Variants in PCDHA6 observed in about 807,000 individuals in gnomAD.
The protein encoded by PCDHA6 is protocadherin alpha 6.
PCDHA6 carries 55 observed loss-of-function variants against 60.3 expected under a neutral mutation model. The observed-to-expected ratio is 0.91, with a 90% CI of 0.73 to 1.14. The LOEUF (loss-of-function observed/expected upper bound fraction) is 1.14. Among genes scored for constraint, PCDHA6 ranks in the 50% most tolerant of loss-of-function variants. The pLI is 0.00. For synonymous variants in PCDHA6, 652 were observed against 557.9 expected, an observed-to-expected ratio of 1.17 and a Z score of -2.38; for missense variants, 1,327 against 1,256.5, an observed-to-expected ratio of 1.06 and a Z score of -0.85.
intron 1 of PCDHA6, chr5:140,857,926 C>G (rs1351185942): frequency 2.5e-6 from 4 of 1,597,606 alleles, no homozygotes; most frequent in East Asian, 2.2e-5. Flanking sequence ...TGGGGCTGTA[C>G]ACGGGCGAGA....
At chr5:140,847,326 T>C (rs1171959432) in intron 1 of PCDHA6, 3 of 149,816 alleles carry the variant, frequency 2.0e-5, no homozygotes, top group African/African-American at 7.3e-5. Flanking sequence ...GAAGCAATTG[T>C]TAAATGCACC....
intron 1 of PCDHA6, chr5:140,882,459 T>G (rs782544853): frequency 6.2e-7 from 1 of 1,613,996 alleles, no homozygotes; most frequent in South Asian, 1.1e-5. Context: ...CCGCGCCTGT[T>G]CCGGGTGGCG....
intron 1 of PCDHA6, chr5:140,836,466 G>C (rs1554135989): frequency 1.2e-6 from 2 of 1,613,862 alleles, no homozygotes; most frequent in Non-Finnish European, 1.7e-6. Context: ...CGAGCTGGTG[G>C]ATGTCAACGT....
intron 1 of PCDHA6, chr5:140,843,736 A>G: frequency 6.5e-7 from 1 of 1,547,470 alleles, no homozygotes; most frequent in African/African-American, 1.4e-5. Context: ...TTAAATTTAG[A>G]ACTCATAAAT....
At chr5:140,847,137 TA>T (rs1554141666) in intron 1 of PCDHA6, among the ~76,000 whole-genome samples, 1 of 149,712 alleles carries the variant, frequency 6.7e-6, no homozygotes, top group Non-Finnish European at 1.5e-5. Context: ...AAAACCAATG[TA>T]AGAAGATCTC....
chr5:140,873,262 G>A (rs1196053156), intron 1 of PCDHA6, among the ~76,000 whole-genome samples: 2 of 152,136 alleles, frequency 1.3e-5, no homozygotes, highest in Non-Finnish European at 2.9e-5. Context: ...ACTCAAAAGT[G>A]ATTAAACCAT....
intron 1 of PCDHA6, chr5:140,870,144 T>C (rs782683134): frequency 1.9e-6 from 3 of 1,614,058 alleles, no homozygotes; most frequent in Admixed American, 1.7e-5. Flanking sequence ...ATAACTCTCC[T>C]GAAGTCGCCG....
At chr5:140,859,558 A>G (rs1554152480) in intron 1 of PCDHA6, 1 of 177,480 alleles carries the variant, frequency 5.6e-6, no homozygotes, top group African/African-American at 2.4e-5. Flanking sequence ...CCAAACACCA[A>G]TGCCATGAAT....
At chr5:140,902,989 T>G (rs1350698990) in intron 1 of PCDHA6, among the ~76,000 whole-genome samples, 1 of 152,238 alleles carries the variant, frequency 6.6e-6, no homozygotes, top group East Asian at 1.9e-4. Context: ...GGTTCCATAT[T>G]TTTGCAATTG....
At chr5:140,967,306 C>G (rs1554229415) in intron 1 of PCDHA6, 2 of 1,612,350 alleles carry the variant, frequency 1.2e-6, no homozygotes, top group African/African-American at 2.7e-5. Flanking sequence ...TGGGCGCCAA[C>G]TCAGTACAGA....
chr5:140,986,401 C>T (rs782437347), intron 3 of PCDHA6, among the ~76,000 whole-genome samples: 1 of 152,172 alleles, frequency 6.6e-6, no homozygotes. Context: ...GCCAGTCGCT[C>T]ATGTTACAGC....
intron 1 of PCDHA6, among the ~76,000 whole-genome samples, chr5:140,923,505 G>C (rs1281972725): frequency 6.6e-6 from 1 of 152,118 alleles, no homozygotes; most frequent in East Asian, 1.9e-4. Context: ...CTCCAGCCTG[G>C]ATGATGAAGT....
At position 140,849,621 on chromosome 5, in the gene PCDHA6, G is replaced by A. The variant is rs2150442688; in HGVS notation, c.2394+19136G>A. The stretch of plus-strand genomic sequence containing the variant: ...AGTTATTGCCCTGATTAGTGTGATC[G>A]ACCTAGACGCAGATGCCAACGGGCA... On this transcript the variant is annotated intron_variant, in intron 1 of 3. Transcript: ENST00000529310. The A allele has an allele frequency of 1.9e-6, 3 of 1,598,666 alleles. 1 individual carries two copies. The highest frequency in any genetic ancestry group is 2.2e-5 in the East Asian group (1 of 44,846).
In PCDHA6 at chr5:140,874,725, T is replaced by C. The variant is rs181567985; in HGVS notation, c.2394+44240T>C. Among the ~76,000 whole-genome samples, 426 of 152,372 alleles carry C rather than the reference T, an allele frequency of 2.8e-3. 2 individuals are homozygous for C. Among genetic ancestry groups the C allele is most frequent in the Middle Eastern group, 0.014 (4 of 294 alleles). On this transcript the variant is annotated intron_variant, in intron 1 of 3. Transcript: ENST00000529310. The stretch of plus-strand genomic sequence containing the variant: ...ATGAGAGCAGTTATGTGAAAAGTTA[T>C]CACATTCAAGCATCAAGGAACCAAA...
chr5:140,969,205 C>G (rs1046509500), intron 1 of PCDHA6: 6 of 1,614,130 alleles, frequency 3.7e-6, no homozygotes, highest in East Asian at 2.2e-5. Context: ...ATACAGGGGC[C>G]CAGACAGGAC....
At chr5:140,992,095 G>T (rs1554252652) in intron 3 of PCDHA6, among the ~76,000 whole-genome samples, 1 of 151,540 alleles carries the variant, frequency 6.6e-6, no homozygotes, top group East Asian at 1.9e-4. Context: ...TAGAGAAAGA[G>T]AATTAAGGTG....
At chr5:140,952,962 C>T (rs246032) in intron 1 of PCDHA6, among the ~76,000 whole-genome samples, 1 of 151,598 alleles carries the variant, frequency 6.6e-6, no homozygotes, top group Non-Finnish European at 1.5e-5. Context: ...GGAAGTGATA[C>T]ACACTTTTAA....
At chr5:140,904,974 T>C (rs537444148) in intron 1 of PCDHA6, among the ~76,000 whole-genome samples, 97 of 152,356 alleles carry the variant, frequency 6.4e-4, no homozygotes, top group African/African-American at 2.2e-3. Context: ...GTGACTATTT[T>C]CTCCCACTCT....
intron 3 of PCDHA6, among the ~76,000 whole-genome samples, chr5:140,985,205 G>C (rs1554246849): frequency 6.6e-6 from 1 of 152,092 alleles, no homozygotes; most frequent in African/African-American, 2.4e-5. Flanking sequence ...CCAAAGTGTT[G>C]GGATTACAGG....
Sources: allele counts gnomAD v4.1 joint callset (sites outside exome capture counted in the v4.1 genomes callset), GRCh38; gene constraint gnomAD v4.1.1; transcripts MANE v1.5; gene names NCBI Gene and HGNC (gene_info 2026-07-23, HGNC 2026-07-21).